The following TMTC4 variants were observed in gnomAD, a reference collection of about 807,000 sequenced individuals.
TMTC4 encodes protein O-mannosyl-transferase TMTC4.
In TMTC4, 65 loss-of-function variants were observed where a neutral mutation model predicts 86.0. The observed-to-expected ratio is 0.76, with a 90% confidence interval of 0.62 to 0.93. The LOEUF is 0.93. Among genes scored for constraint, TMTC4 ranks in the 40% least tolerant of loss-of-function variants. The probability of loss-of-function intolerance (pLI) is 0.00; values close to 1 mark genes in which losing one functional copy is unlikely to be tolerated. For synonymous variants in TMTC4, 379 were observed against 382.5 expected (o/e 0.99, Z 0.11); for missense variants, 866 against 948.1 (o/e 0.91, Z 1.14).
chr13:100,636,995 G>T (rs115122669), intron 9 of TMTC4, among the ~76,000 whole-genome samples: 1,768 of 152,050 alleles, frequency 0.012, 34 homozygotes, highest in African/African-American at 0.041. Context: ...GCAAAGCTAT[G>T]ATCTATTTGC....
At position 100,663,665 on chromosome 13, in the gene TMTC4, G is replaced by A. The variant is rs548255657; in HGVS notation, c.336-485C>T. On this transcript the variant is annotated intron_variant, in intron 4 of 18. Transcript: ENST00000342624. Reference sequence around the variant, plus strand: ...CTCCGCTGGCAGGGATTCCTATTCTGACTGCTTCTCAGCTGCTGGTGGTTC... The same window carrying A: ...CTCCGCTGGCAGGGATTCCTATTCTAACTGCTTCTCAGCTGCTGGTGGTTC... Among the ~76,000 whole-genome samples, 5 of 152,244 alleles carry A rather than the reference G, an allele frequency of 3.3e-5. No individual in the cohort carries two copies. In the South Asian group the frequency reaches 1.0e-3, roughly 32 times the overall value.
At chr13:100,632,051 A>ACTCTCTCTCTCTCT (rs1368407089) in intron 12 of TMTC4, among the ~76,000 whole-genome samples, 3 of 28,544 alleles carry the variant, frequency 1.1e-4, no homozygotes, top group Non-Finnish European at 3.4e-4. Context: ...ACACACACAC[A>ACTCTCTCTCTCTCT]CACTCTCTCT....
intron 7 of TMTC4, among the ~76,000 whole-genome samples, chr13:100,639,921 CAAGA>C (rs992331729): frequency 2.4e-4 from 36 of 150,998 alleles, no homozygotes; most frequent in African/African-American, 8.5e-4. Context: ...GCCAGAGCGA[CAAGA>C]GAGAAACCGT....
At chr13:100,631,085 T>C (rs934927637) in intron 12 of TMTC4, among the ~76,000 whole-genome samples, 1 of 152,262 alleles carries the variant, frequency 6.6e-6, no homozygotes, top group Non-Finnish European at 1.5e-5. Flanking sequence ...CTGACTTTTG[T>C]TTCCCTGAAA....
At chr13:100,614,508 AAAAAG>A in intron 15 of TMTC4, 78 bp from the exon 16 acceptor site, 17 of 1,094,426 alleles carry the variant, frequency 1.6e-5, no homozygotes, top group Admixed American at 9.9e-5. Context: ...AAAAAAAAAA[AAAAAG>A]AAAGAAAAAG....
At chr13:100,637,791 G>A (rs1748270513) in intron 8 of TMTC4, 89 bp from the exon 9 acceptor site, 1 of 1,563,806 alleles carries the variant, frequency 6.4e-7, no homozygotes, top group Admixed American at 1.8e-5. Flanking sequence ...AATTCTGCCT[G>A]AACTGCTTCA....
At position 100,632,053 on chromosome 13, in the gene TMTC4, A is replaced by ACTCTCTCTCTCT. The variant is rs67759381; in HGVS notation, c.1506+2740_1506+2751dup. Among the ~76,000 whole-genome samples the ACTCTCTCTCTCT allele has an allele frequency of 3.2e-3, 140 of 43,102 alleles. 1 individual carries two copies. The highest frequency in any genetic ancestry group is 0.016 in the Middle Eastern group (1 of 62). The allele number at this position is 43,102 out of a possible 152,430, so 28.3% of individuals were successfully genotyped here. A position where few individuals can be genotyped will look rare whatever the true frequency, so the allele number is the denominator to read the frequency against. ...CACACACACACACACACACACACACACTCTCTCTCTCTCTCTCTCTCTCTC... is the reference window on the plus strand; with the variant it reads ...CACACACACACACACACACACACACACTCTCTCTCTCTCTCTCTCTCTCTCTCTCTCTCTCTC... On this transcript the variant is annotated intron_variant, in intron 12 of 18. Transcript: ENST00000342624.
At position 100,604,062 on chromosome 13, in the gene TMTC4, C is replaced by A. The variant is rs1459866153; in HGVS notation, c.*932G>T. The A allele has an allele frequency of 6.6e-6, 1 of 152,628 alleles. No homozygotes were observed. The highest frequency in any genetic ancestry group is 1.5e-5 in the Non-Finnish European group (1 of 68,040). 9.5% of individuals were successfully genotyped at this position (152,628 alleles called of 1,614,324 possible). A position where few individuals can be genotyped will look rare whatever the true frequency, so the allele number is the denominator to read the frequency against. On this transcript the variant is annotated 3_prime_UTR_variant, in exon 19 of 19. Transcript: ENST00000342624. ...CAAATAAAAAACAGCAGGAACAACTCAATTCTTAAAAATACCACGAATTCC... is the reference window on the plus strand; with the variant it reads ...CAAATAAAAAACAGCAGGAACAACTAAATTCTTAAAAATACCACGAATTCC...
In TMTC4 at chr13:100,637,933, T is replaced by C. The variant is rs769663854; in HGVS notation, c.831A>G (p.Leu277=). The change falls in exon 8 of 19, where the codon TTA becomes TTG. Residue 277 remains leucine (L), a synonymous_variant. Coordinates refer to ENST00000342624, the MANE Select transcript of TMTC4 (RefSeq NM_032813.5). ...VQKVLHKDKS[L]ENLGMLRNGG... The stretch of plus-strand genomic sequence containing the variant: ...GGAGATAAAAGTACAGACTCACCTC[T>C]AATGACTTGTCCTTATGTAGTACCT... The C allele has an allele frequency of 6.2e-7, 1 of 1,611,734 alleles. No homozygotes were observed. The highest frequency in any genetic ancestry group is 1.7e-5 in the Admixed American group (1 of 59,682).
chr13:100,641,514 T>G (rs1883004726), intron 7 of TMTC4, among the ~76,000 whole-genome samples: 2 of 151,792 alleles, frequency 1.3e-5, no homozygotes, highest in Non-Finnish European at 2.9e-5. Context: ...TGAGATGTAG[T>G]TTTGCTGTTG....
intron 6 of TMTC4, among the ~76,000 whole-genome samples, chr13:100,644,450 G>A (rs911610277): frequency 1.3e-5 from 2 of 152,082 alleles, no homozygotes; most frequent in Non-Finnish European, 2.9e-5. Context: ...TTGAGACCCT[G>A]TCAAGATGAG....
At chr13:100,638,181 T>C in intron 7 of TMTC4, 159 bp from the exon 8 acceptor site, 1 of 557,190 alleles carries the variant, frequency 1.8e-6, no homozygotes, top group Non-Finnish European at 3.2e-6. Flanking sequence ...ATAACAGCCG[T>C]ACGTTTCTAT....
In TMTC4 at chr13:100,668,586, T is replaced by C. The variant is rs1398600830; in HGVS notation, c.212A>G (p.Asn71Ser). The C allele has an allele frequency of 1.2e-6, 2 of 1,614,004 alleles. No homozygotes were observed. Among genetic ancestry groups the C allele is most frequent in the East Asian group, 2.2e-5 (1 of 44,896 alleles). ...FVFDDSEAIV[N>S]NKDLQAETPL... ...AAGAGTTGAGATACAAACCTTATTG[T>C]TAACAATAGCTTCTGAGTCATCAAA... Residue 71 changes from asparagine to serine, a missense_variant, in exon 3 of 19, where the codon AAC becomes AGC. By Grantham distance (46) the Asn-to-Ser change is conservative. Coordinates refer to ENST00000342624, the MANE Select transcript of TMTC4 (RefSeq NM_032813.5).
intron 5 of TMTC4, among the ~76,000 whole-genome samples, chr13:100,662,127 C>T (rs1441329226): frequency 4.6e-5 from 7 of 151,586 alleles, no homozygotes; most frequent in Non-Finnish European, 7.4e-5. Context: ...TGAGGATATG[C>T]TGATGTATTT....
Position 100,605,194 on chromosome 13 carries a change from G to C in TMTC4, c.2135-52C>G. The C allele has an allele frequency of 6.4e-7, 1 of 1,572,464 alleles. No homozygotes were observed. The highest frequency in any genetic ancestry group is 8.6e-7 in the Non-Finnish European group (1 of 1,158,782). ...TGGGAATGCTTCTGAGTAACGTGCC[G>C]TATTCCTACCCTCTTGGACAAAGAA... On this transcript the variant is annotated intron_variant, in intron 18 of 18. Transcript: ENST00000342624. The surrounding 1 kb of genome is among the most constrained non-coding windows in gnomAD (Gnocchi z 4.3).
At chr13:100,626,355 A>G (rs893836061) in intron 12 of TMTC4, among the ~76,000 whole-genome samples, 6 of 152,228 alleles carry the variant, frequency 3.9e-5, no homozygotes, top group African/African-American at 1.4e-4. Flanking sequence ...GAAAGGGGGT[A>G]TAGGCATGAT....
chr13:100,655,676 T>C (rs2786957), intron 6 of TMTC4, among the ~76,000 whole-genome samples: 107,789 of 152,132 alleles, frequency 0.71, 39,302 homozygotes, highest in East Asian at 0.98. Context: ...TTACCACCAC[T>C]GTTCTCAATA....
intron 1 of TMTC4, among the ~76,000 whole-genome samples, chr13:100,670,952 T>C (rs987172544): frequency 1.3e-5 from 2 of 152,154 alleles, no homozygotes; most frequent in Non-Finnish European, 2.9e-5. Context: ...AGACCCTGTC[T>C]CAAACAACAA....
At chr13:100,670,324 A>G (rs780454771) in intron 2 of TMTC4, 36 bp downstream of exon 2, 4 of 1,602,076 alleles carry the variant, frequency 2.5e-6, no homozygotes, top group African/African-American at 1.3e-5. Context: ...TGTCTGAGTG[A>G]AGATGGAGAC....
Sources: allele counts gnomAD v4.1 joint callset (sites outside exome capture counted in the v4.1 genomes callset), GRCh38; gene constraint gnomAD v4.1.1; non-coding constraint Gnocchi (gnomAD v3.1); transcripts MANE v1.5; gene names NCBI Gene and HGNC (gene_info 2026-07-23, HGNC 2026-07-21).